Variants in CCDC43 observed in about 807,000 individuals in gnomAD.
CCDC43 encodes coiled-coil domain containing 43.
CCDC43 carries 20 observed loss-of-function variants against 33.3 expected under a neutral mutation model. That is an observed-to-expected ratio of 0.60 (90% confidence interval 0.42 to 0.87). The LOEUF (loss-of-function observed/expected upper bound fraction) is 0.87. Among genes scored for constraint, CCDC43 ranks in the 40% least tolerant of loss-of-function variants. The probability of loss-of-function intolerance (pLI) is 0.00; values close to 1 mark genes in which losing one functional copy is unlikely to be tolerated. For missense variants in CCDC43, 248 were observed against 269.9 expected (o/e 0.92, Z 0.57); for synonymous variants, 104 against 106.5 (o/e 0.98, Z 0.14).
At chr17:44,680,213 CCTGGG>C (rs1185525895) in intron 4 of CCDC43, among the ~76,000 whole-genome samples, 2 of 152,078 alleles carry the variant, frequency 1.3e-5, no homozygotes, top group African/African-American at 4.8e-5. Context: ...GTCTCAAACT[CCTGGG>C]CTCAAACGAT....
At position 44,683,793 on chromosome 17, in the gene CCDC43, A is replaced by C. The variant is rs926972179; in HGVS notation, c.292+79T>G. The C allele has an allele frequency of 3.8e-5, 37 of 972,544 alleles. No homozygotes were observed. The African/African-American group carries it at 5.3e-4, about 14-fold the overall frequency. The allele number at this position is 972,544 out of a possible 1,614,324, so 60.2% of individuals were successfully genotyped here. A position where few individuals can be genotyped will look rare whatever the true frequency, so the allele number is the denominator to read the frequency against. ...AATGAGCATCCAAGGGGAAAATGAAAAGATCTCTTCCTAACAGCTATACAG... is the reference window on the plus strand; with the variant it reads ...AATGAGCATCCAAGGGGAAAATGAACAGATCTCTTCCTAACAGCTATACAG... On this transcript the variant is annotated intron_variant, in intron 2 of 4. Transcript: ENST00000315286.
Position 44,682,052 on chromosome 17 carries a change from T to C in CCDC43, c.379A>G (p.Arg127Gly), listed in dbSNP as rs1972170917. 1.2e-6 allele frequency: 2 copies of C among 1,614,052 alleles called. No individual in the cohort carries two copies. Among genetic ancestry groups the C allele is most frequent in the Non-Finnish European group, 1.7e-6 (2 of 1,179,906 alleles). Residue 127 changes from arginine (R) to glycine (G), a missense_variant, in exon 3 of 5, where the codon AGA becomes GGA. By Grantham distance (125) the Arg-to-Gly change is moderately radical. Coordinates refer to ENST00000315286, the MANE Select transcript of CCDC43 (RefSeq NM_144609.3). ...PRMVSEEEKQ[R>G]KAALLAQYAD... is the part of the protein sequence containing the mutation. ...TACTGGGCCAGGAGGGCAGCTTTTC[T>C]CTGCTTCTCCTCTTCTGACACCATC...
At chr17:44,683,254 G>A (rs1223417999) in intron 2 of CCDC43, among the ~76,000 whole-genome samples, 1 of 152,160 alleles carries the variant, frequency 6.6e-6, no homozygotes, top group Non-Finnish European at 1.5e-5. Flanking sequence ...GAGGCAGGGT[G>A]CTGTAGCTCA....
At chr17:44,684,187 G>A (rs1598735249) in intron 1 of CCDC43, among the ~76,000 whole-genome samples, 2 of 152,214 alleles carry the variant, frequency 1.3e-5, no homozygotes, top group Non-Finnish European at 2.9e-5. Context: ...ACTCCATCCT[G>A]ATAAGCTCCA....
rs752994068 is a variant in CCDC43 at position 44,678,830 on chromosome 17, G to A, written c.*26C>T. ...CAGTTCTCCCTTTGATAAGTTCATGGGGGGAAAGAATAGAGTAGGCCAAGG... is the reference window on the plus strand; with the variant it reads ...CAGTTCTCCCTTTGATAAGTTCATGAGGGGAAAGAATAGAGTAGGCCAAGG... On this transcript the variant is annotated 3_prime_UTR_variant, in exon 5 of 5. Coordinates refer to ENST00000315286, the MANE Select transcript of CCDC43 (RefSeq NM_144609.3). 6.3e-7 allele frequency: 1 copy of A among 1,599,952 alleles called. No homozygotes were observed. Among genetic ancestry groups the A allele is most frequent in the Non-Finnish European group, 8.5e-7 (1 of 1,172,264 alleles).
rs763887802 is a variant in CCDC43, at chr17:44,681,962, T to C, written c.428+41A>G. ...CTGTAAACCCACAAATATGTCTGGC[T>C]TGAGCTTTAGGGAATGGTGCCGAGA... On this transcript the variant is annotated intron_variant, in intron 3 of 4. Coordinates refer to ENST00000315286, the MANE Select transcript of CCDC43 (RefSeq NM_144609.3). 9.9e-6 allele frequency: 16 copies of C among 1,612,902 alleles called. No homozygotes were observed. In the South Asian group the frequency reaches 1.2e-4, roughly 12 times the overall value.
intron 1 of CCDC43, 89 bp downstream of exon 1, chr17:44,689,461 G>C: frequency 6.4e-7 from 1 of 1,557,940 alleles, no homozygotes; most frequent in Non-Finnish European, 8.7e-7. Context: ...TGAGCCTCTG[G>C]GATACCCGGT....
intron 2 of CCDC43, among the ~76,000 whole-genome samples, chr17:44,682,967 A>G (rs1017473004): frequency 1.3e-5 from 2 of 152,238 alleles, no homozygotes; most frequent in African/African-American, 4.8e-5. Flanking sequence ...TTGGTTGCAC[A>G]TTAGAATCAC....
chr17:44,686,290 T>G (rs1424142103), intron 1 of CCDC43, among the ~76,000 whole-genome samples: 3 of 152,232 alleles, frequency 2.0e-5, no homozygotes, highest in Admixed American at 6.5e-5. Flanking sequence ...CCTTATTTTG[T>G]ACCCAGCAAA....
intron 1 of CCDC43, chr17:44,687,664 A>C (rs1488654028): frequency 1.3e-5 from 2 of 152,108 alleles, no homozygotes; most frequent in African/African-American, 4.8e-5. Flanking sequence ...AGCTCCAAAT[A>C]ATGATGGACT....
chr17:44,682,154 A>G lies in CCDC43; in HGVS notation c.293-16T>C. 6.2e-7 allele frequency: 1 copy of G among 1,613,852 alleles called. No individual in the cohort carries two copies. The highest frequency in any genetic ancestry group is 8.5e-7 in the Non-Finnish European group (1 of 1,179,828). On this transcript the variant is annotated splice_polypyrimidine_tract_variant and intron_variant, in intron 2 of 4. Coordinates refer to ENST00000315286, the MANE Select transcript of CCDC43 (RefSeq NM_144609.3). ...TGTACTTCATCTGGGAGGTGGTGGA[A>G]GGAAGAACAAGGTTGTATGAGAGAG... is the stretch of plus-strand genomic sequence containing the variant.
intron 1 of CCDC43, 135 bp from the exon 2 acceptor site, chr17:44,684,094 ATG>A (rs1972200208): frequency 3.2e-6 from 2 of 633,156 alleles, no homozygotes; most frequent in African/African-American, 3.7e-5. Flanking sequence ...ACAATAGAGT[ATG>A]TTTCTTTTCT....
intron 4 of CCDC43, among the ~76,000 whole-genome samples, chr17:44,680,024 CCA>C (rs1401860202): frequency 6.6e-6 from 1 of 152,070 alleles, no homozygotes; most frequent in Non-Finnish European, 1.5e-5. Context: ...ATATCCCAGG[CCA>C]GAGTGCAGTG....
intron 2 of CCDC43, among the ~76,000 whole-genome samples, chr17:44,682,871 T>C (rs1226651584): frequency 6.6e-6 from 1 of 151,828 alleles, no homozygotes; most frequent in Non-Finnish European, 1.5e-5. Context: ...AAAAAAATAT[T>C]TTGCCATGCT....
chr17:44,678,905 C>T lies in CCDC43; in HGVS notation c.626G>A (p.Arg209His), dbSNP rs372602870. The change falls in exon 5 of 5, where the codon CGC becomes CAC. Residue 209 changes from arginine (R) to histidine (H), a missense_variant. By Grantham distance (29) the Arg-to-His change is conservative. Transcript: ENST00000315286. Reference sequence around the variant, plus strand: ...TGTCCTTTTTTTTTCCTTTTCCTTGCGCTCCTGCTTGGCTAGTTTGTCTCT... The same window carrying T: ...TGTCCTTTTTTTTTCCTTTTCCTTGTGCTCCTGCTTGGCTAGTTTGTCTCT... ...RERDKLAKQERKEKEKKRTQR... is the reference protein window; with the variant it reads ...RERDKLAKQEHKEKEKKRTQR... 3 of 1,613,426 alleles carry T rather than the reference C, an allele frequency of 1.9e-6. No homozygotes were observed. Among genetic ancestry groups the T allele is most frequent in the Non-Finnish European group, 1.7e-6 (2 of 1,179,720 alleles).
Position 44,678,878 on chromosome 17 carries a change from T to C in CCDC43, c.653A>G (p.Gln218Arg). The change falls in exon 5 of 5, where the codon CAG (glutamine) becomes CGG (arginine). Residue 218 changes from glutamine (Q) to arginine (R), a missense_variant. By Grantham distance (43) the Gln-to-Arg change is conservative. Transcript: ENST00000315286. ...ERKEKEKKRT[Q>R]RGERKR is the part of the protein sequence containing the mutation. Reference sequence around the variant, plus strand: ...AGGTTATCGCTTTCGCTCCCCTCTCTGTGTCCTTTTTTTTTCCTTTTCCTT... The same window carrying C: ...AGGTTATCGCTTTCGCTCCCCTCTCCGTGTCCTTTTTTTTTCCTTTTCCTT... 1.2e-6 allele frequency: 2 copies of C among 1,613,834 alleles called. No individual in the cohort carries two copies. The highest frequency in any genetic ancestry group is 8.5e-7 in the Non-Finnish European group (1 of 1,179,788).
At chr17:44,681,799 G>C in intron 3 of CCDC43, 1 of 582,880 alleles carries the variant, frequency 1.7e-6, no homozygotes, top group South Asian at 2.2e-5. Flanking sequence ...GGAATATAAT[G>C]ATTATGTGTT....
chr17:44,682,586 G>A (rs557209803), intron 2 of CCDC43, among the ~76,000 whole-genome samples: 3 of 152,188 alleles, frequency 2.0e-5, no homozygotes, highest in Admixed American at 6.5e-5. Context: ...GGCCGGGCGC[G>A]GTGGCTCACG....
chr17:44,681,553 A>G (rs2144689317), intron 3 of CCDC43, among the ~76,000 whole-genome samples: 1 of 152,320 alleles, frequency 6.6e-6, no homozygotes, highest in East Asian at 1.9e-4. Flanking sequence ...AAAAATACCC[A>G]GGTTCTAGTC....
Sources: allele counts gnomAD v4.1 joint callset (sites outside exome capture counted in the v4.1 genomes callset), GRCh38; gene constraint gnomAD v4.1.1; transcripts MANE v1.5; gene names NCBI Gene and HGNC (gene_info 2026-07-23, HGNC 2026-07-21).